WASF3: variants seen among roughly 807,000 people sequenced by gnomAD.
The protein encoded by WASF3 is actin-binding protein WASF3.
WASF3 carries 11 observed loss-of-function variants against 46.6 expected under a neutral mutation model. That is an observed-to-expected ratio of 0.24 (90% CI 0.15 to 0.39). The LOEUF is 0.39. Ranked by LOEUF, WASF3 falls within the 10% of genes least tolerant of loss-of-function variation. WASF3 has a pLI of 1.00. For synonymous variants in WASF3, 242 were observed against 259.7 expected (o/e 0.93, Z 0.65); for missense variants, 576 against 669.8 (o/e 0.86, Z 1.55).
chr13:26,562,315 G>C (rs1260701112), intron 1 of WASF3, among the ~76,000 whole-genome samples: 1 of 152,170 alleles, frequency 6.6e-6, no homozygotes, highest in Non-Finnish European at 1.5e-5. Context: ...GGAAACCTCA[G>C]CAGGCAGGGC....
At chr13:26,559,058 A>G (rs913598912) in intron 1 of WASF3, among the ~76,000 whole-genome samples, 1 of 152,228 alleles carries the variant, frequency 6.6e-6, no homozygotes, top group Non-Finnish European at 1.5e-5. Context: ...TAAACAATGC[A>G]GTGGTTCTTT....
chr13:26,618,227 A>G (rs1881194597), intron 2 of WASF3, among the ~76,000 whole-genome samples: 1 of 152,204 alleles, frequency 6.6e-6, no homozygotes, highest in Non-Finnish European at 1.5e-5. Flanking sequence ...TGACTTTATT[A>G]CAATTTTTTC....
the WASF3 span, among the ~76,000 whole-genome samples, chr13:26,548,347 A>G: frequency 6.6e-6 from 1 of 152,190 alleles, no homozygotes; most frequent in South Asian, 2.1e-4. Context: ...TCCGAAGGTC[A>G]ATGATCAACT....
At chr13:26,633,200 C>CTTTTTTTTTTTTTTTTTTTTTTTTTTT (rs58237286) in intron 2 of WASF3, among the ~76,000 whole-genome samples, 3 of 90,436 alleles carry the variant, frequency 3.3e-5, no homozygotes, top group South Asian at 5.5e-4. Flanking sequence ...TTAGTTATTT[C>CTTTTTTTTTTTTTTTTTTTTTTTTTTT]TTTTTTTTTT....
intron 1 of WASF3, among the ~76,000 whole-genome samples, chr13:26,564,900 G>GTTTTTTTTTT (rs66809412): frequency 7.0e-4 from 57 of 81,616 alleles, no homozygotes; most frequent in South Asian, 1.1e-3. Flanking sequence ...CAAGGTTGTG[G>GTTTTTTTTTT]TTTTTTTTTT....
the WASF3 span, among the ~76,000 whole-genome samples, chr13:26,548,698 G>A: frequency 3.9e-5 from 6 of 152,150 alleles, no homozygotes; most frequent in African/African-American, 1.4e-4. Context: ...ACCCTACAGA[G>A]TGAAGTCCTA....
At chr13:26,658,146 A>C (rs575796247) in intron 3 of WASF3, among the ~76,000 whole-genome samples, 19 of 152,296 alleles carry the variant, frequency 1.2e-4, no homozygotes, top group African/African-American at 4.6e-4. Flanking sequence ...ATACACTCCC[A>C]TAGTCTTGGT....
intron 1 of WASF3, among the ~76,000 whole-genome samples, chr13:26,573,553 A>G (rs1266469368): frequency 1.3e-5 from 2 of 152,116 alleles, no homozygotes; most frequent in African/African-American, 4.8e-5. Flanking sequence ...GGTTCTCATT[A>G]TCTCTCAGAA....
chr13:26,682,938 G>C lies in WASF3; in HGVS notation c.1315G>C (p.Asp439His). The C allele has an allele frequency of 1.9e-6, 3 of 1,608,656 alleles. No individual in the cohort carries two copies. The highest frequency in any genetic ancestry group is 2.5e-6 in the Non-Finnish European group (3 of 1,179,994). Residue 439 changes from aspartate to histidine, a missense_variant, in exon 9 of 10, where the codon GAT becomes CAT. Asp to His is a moderately conservative substitution (Grantham distance 81). Transcript: ENST00000335327. This position sits in a 1 kb window ranked among gnomAD's most constrained non-coding sequence, Gnocchi z 4.4. Reference sequence around the variant, plus strand: ...AGAGCCTGCACAGCCACCAATCAGTGATGCTCGAAGCGACCTCCTCGCTGC... The same window carrying C: ...AGAGCCTGCACAGCCACCAATCAGTCATGCTCGAAGCGACCTCCTCGCTGC... ...RQEPAQPPIS[D>H]ARSDLLAAIR...
intron 9 of WASF3, among the ~76,000 whole-genome samples, chr13:26,683,474 CA>C (rs5802386): frequency 1.2e-3 from 151 of 121,306 alleles, no homozygotes; most frequent in South Asian, 5.0e-3. Context: ...AGACCCGTCT[CA>C]AAAAAAAAAA....
At chr13:26,590,106 T>C (rs1209570065) in intron 1 of WASF3, among the ~76,000 whole-genome samples, 1 of 152,232 alleles carries the variant, frequency 6.6e-6, no homozygotes, top group East Asian at 1.9e-4. Flanking sequence ...TAATATGCTT[T>C]GTCAGTCCTC....
In WASF3 at chr13:26,629,894, C is replaced by T. The variant is rs530070294; in HGVS notation, c.-10-12367C>T. Among the ~76,000 whole-genome samples, 3 of 152,250 alleles carry T rather than the reference C, an allele frequency of 2.0e-5. No individual in the cohort carries two copies. In the South Asian group the frequency reaches 6.2e-4, roughly 32 times the overall value. On this transcript the variant is annotated intron_variant, in intron 2 of 9. Coordinates refer to ENST00000335327, the MANE Select transcript of WASF3 (RefSeq NM_006646.6). ...TTGGTAATATAGTACATTTAATACTCTGATGTGATGGCAGGTCCTAGGGCC... is the reference window on the plus strand; with the variant it reads ...TTGGTAATATAGTACATTTAATACTTTGATGTGATGGCAGGTCCTAGGGCC...
Position 26,676,738 on chromosome 13 carries a change from A to G in WASF3, c.716+14A>G, listed in dbSNP as rs1163271418. 1.9e-6 allele frequency: 3 copies of G among 1,607,090 alleles called. No homozygotes were observed. In the South Asian group the frequency reaches 3.3e-5, roughly 18 times the overall value. ...CCCAGATACTAGGTGTGTGTGTGTC[A>G]CTGCTCCCTCAGCCCTGATGCTTGG... On this transcript the variant is annotated intron_variant, in intron 7 of 9. Coordinates refer to ENST00000335327, the MANE Select transcript of WASF3 (RefSeq NM_006646.6).
intron 1 of WASF3, among the ~76,000 whole-genome samples, chr13:26,596,023 G>A (rs1208181108): frequency 2.0e-5 from 3 of 151,740 alleles, no homozygotes; most frequent in African/African-American, 7.3e-5. Context: ...TTATTGGAAA[G>A]TGAATCTTTA....
intron 1 of WASF3, among the ~76,000 whole-genome samples, chr13:26,567,707 A>AATAT (rs989235180): frequency 1.3e-5 from 2 of 150,800 alleles, no homozygotes; most frequent in African/African-American, 4.9e-5. Flanking sequence ...TTAAAAAAAA[A>AATAT]ATATATATAT....
At chr13:26,638,974 G>A (rs1324708312) in intron 2 of WASF3, among the ~76,000 whole-genome samples, 4 of 152,126 alleles carry the variant, frequency 2.6e-5, no homozygotes, top group Admixed American at 1.3e-4. Flanking sequence ...TGATCTCTTT[G>A]CATACACCCA....
At position 26,682,867 on chromosome 13, in the gene WASF3, C is replaced by G; in HGVS notation, c.1244C>G (p.Ser415Trp). ...PGPPGPGSSLSSSPMHGPPVA... is the reference protein window; with the variant it reads ...PGPPGPGSSLWSSPMHGPPVA... ...CCTCCTGGTCCCGGGTCTTCTCTTT[C>G]GTCCTCCCCAATGCATGGCCCCCCA... is the stretch of plus-strand genomic sequence containing the variant. The change falls in exon 9 of 10, where the codon TCG becomes TGG. Residue 415 changes from serine to tryptophan, a missense_variant. Around this residue, in one of 3 missense-constraint regions of WASF3, gnomAD observed 295 missense variants for 291.5 expected, o/e 1.01. Transcript: ENST00000335327. This position sits in a 1 kb window ranked among gnomAD's most constrained non-coding sequence, Gnocchi z 4.4. 8 of 1,611,600 alleles carry G rather than the reference C, an allele frequency of 5.0e-6. No homozygotes were observed. The highest frequency in any genetic ancestry group is 6.8e-6 in the Non-Finnish European group (8 of 1,179,942).
At chr13:26,655,005 T>A (rs973640322) in intron 3 of WASF3, among the ~76,000 whole-genome samples, 1 of 152,206 alleles carries the variant, frequency 6.6e-6, no homozygotes, top group African/African-American at 2.4e-5. Flanking sequence ...TGAAATGATT[T>A]TAGACTTTAA....
intron 5 of WASF3, among the ~76,000 whole-genome samples, chr13:26,668,938 T>A (rs118071833): frequency 0.012 from 1,761 of 152,354 alleles, 15 homozygotes; most frequent in Non-Finnish European, 0.018. Context: ...CATTTTTACT[T>A]AGCAGTGAAG....
Sources: allele counts gnomAD v4.1 joint callset (sites outside exome capture counted in the v4.1 genomes callset), GRCh38; gene constraint gnomAD v4.1.1; regional missense constraint gnomAD v4.1.1; non-coding constraint Gnocchi (gnomAD v3.1); transcripts MANE v1.5; gene names NCBI Gene and HGNC (gene_info 2026-07-23, HGNC 2026-07-21).